KPNB1: variants seen among roughly 807,000 people sequenced by gnomAD.
The protein encoded by KPNB1 is karyopherin subunit beta 1, also known as importin subunit beta-1.
A neutral mutation model predicts 113.0 loss-of-function variants in KPNB1; 7 were observed. The ratio of observed to expected loss-of-function variants is 0.06; its 90% CI spans 0.04 to 0.12. The LOEUF (loss-of-function observed/expected upper bound fraction) is 0.12, where lower values mean the gene tolerates loss of function less well. KPNB1 is among the 10% of genes least tolerant of loss of function. The probability of loss-of-function intolerance (pLI) is 1.00; values close to 1 mark genes in which losing one functional copy is unlikely to be tolerated. For missense variants in KPNB1, 400 were observed against 1,054.8 expected (o/e 0.38, Z 8.60); for synonymous variants, 363 against 378.6 (o/e 0.96, Z 0.48).
At chr17:47,679,421 T>G (rs537253566) in intron 19 of KPNB1, among the ~76,000 whole-genome samples, 4 of 152,262 alleles carry the variant, frequency 2.6e-5, no homozygotes, top group African/African-American at 9.6e-5. Flanking sequence ...TGTTGCTGAT[T>G]GGGGAAATTT....
chr17:47,650,478 G>A (rs566484054), intron 2 of KPNB1, 34 bp downstream of exon 2: 1 of 1,583,792 alleles, frequency 6.3e-7, no homozygotes, highest in South Asian at 1.1e-5. Context: ...ATCCCGCCGC[G>A]TCCCCATCCC....
chr17:47,667,724 A>AT (rs1337050760), intron 9 of KPNB1, among the ~76,000 whole-genome samples: 1 of 150,434 alleles, frequency 6.6e-6, no homozygotes, highest in Non-Finnish European at 1.5e-5. Context: ...CACCCAGCTA[A>AT]TTTTTGTATT....
At chr17:47,681,686 G>GTTTGTTTTTT (rs1567896578) in intron 21 of KPNB1, among the ~76,000 whole-genome samples, 7 of 96,022 alleles carry the variant, frequency 7.3e-5, no homozygotes, top group Admixed American at 1.4e-4. Context: ...GGAATTATAG[G>GTTTGTTTTTT]TTTTTTTTTT....
intron 8 of KPNB1, 120 bp from the exon 9 acceptor site, chr17:47,664,937 T>C: frequency 1.3e-6 from 1 of 741,492 alleles, no homozygotes; most frequent in Non-Finnish European, 2.4e-6. Context: ...CATTGTATGT[T>C]ACCATTTGTC....
chr17:47,657,371 C>T (rs1045517974), intron 4 of KPNB1, among the ~76,000 whole-genome samples: 1 of 152,108 alleles, frequency 6.6e-6, no homozygotes, highest in Non-Finnish European at 1.5e-5. Context: ...CTTAAGATCC[C>T]GAATGTACCA....
rs2030415347 is a variant in KPNB1 at position 47,670,573 on chromosome 17, T to C, written c.1417-129T>C. ...TTTAAAAGATACCTGTAAAATGCTG[T>C]CTTGAGATGACCTTGGCAGAAAAAG... On this transcript the variant is annotated intron_variant, in intron 11 of 21. Coordinates refer to ENST00000290158, the MANE Select transcript of KPNB1 (RefSeq NM_002265.6). 2.6e-5 allele frequency: 22 copies of C among 834,618 alleles called. 1 individual carries two copies. In the South Asian group the frequency reaches 4.3e-4, roughly 16 times the overall value. The allele number at this position is 834,618 out of a possible 1,614,324, so 51.7% of individuals were successfully genotyped here.
chr17:47,668,526 A>T, intron 10 of KPNB1, 116 bp downstream of exon 10: 2 of 783,582 alleles, frequency 2.6e-6, no homozygotes, highest in Non-Finnish European at 2.1e-6. Flanking sequence ...TTATCTCTAG[A>T]TACTTGTTTA....
In KPNB1 at chr17:47,675,361, G is replaced by GTTTTTTTTTTTTTTTTTTTTTTTTTTTT. The variant is rs1166648701; in HGVS notation, c.1912+589_1912+590insTTTTTTTTTTTTTTTTTTTTTTTTTTTT. Among the ~76,000 whole-genome samples the GTTTTTTTTTTTTTTTTTTTTTTTTTTTT allele has an allele frequency of 8.7e-4, 77 of 88,678 alleles. 19 individuals are homozygous for GTTTTTTTTTTTTTTTTTTTTTTTTTTTT. Among genetic ancestry groups the GTTTTTTTTTTTTTTTTTTTTTTTTTTTT allele is most frequent in the East Asian group, 1.2e-3 (4 of 3,440 alleles). The allele number at this position is 88,678 out of a possible 152,430, so 58.2% of individuals were successfully genotyped here. A position where few individuals can be genotyped will look rare whatever the true frequency, so the allele number is the denominator to read the frequency against. ...TGCAACGGAGATTGGCAGAGGTGTT[G>GTTTTTTTTTTTTTTTTTTTTTTTTTTTT]TTTTTTTTTTGTTTTTTTTTTTTGT... On this transcript the variant is annotated intron_variant, in intron 15 of 21. Transcript: ENST00000290158.
At chr17:47,677,554 AGTT>A (rs1176224647) in intron 17 of KPNB1, among the ~76,000 whole-genome samples, 2 of 150,224 alleles carry the variant, frequency 1.3e-5, no homozygotes, top group Non-Finnish European at 3.0e-5. Context: ...TAAAGAGGGG[AGTT>A]GTTCATTTCA....
At chr17:47,658,983 C>T (rs1045177951) in intron 5 of KPNB1, among the ~76,000 whole-genome samples, 1 of 151,900 alleles carries the variant, frequency 6.6e-6, no homozygotes, top group African/African-American at 2.4e-5. Context: ...GAGGCTAAGG[C>T]GGGAGGATTG....
At chr17:47,651,979 C>A (rs1006233167) in intron 2 of KPNB1, among the ~76,000 whole-genome samples, 5 of 152,230 alleles carry the variant, frequency 3.3e-5, no homozygotes, top group African/African-American at 1.2e-4. Context: ...TTTGCTTGAA[C>A]AGCTTGCCTG....
intron 3 of KPNB1, among the ~76,000 whole-genome samples, chr17:47,654,267 T>C (rs1184312908): frequency 6.6e-6 from 1 of 152,028 alleles, no homozygotes; most frequent in African/African-American, 2.4e-5. Flanking sequence ...ATACAAAAAT[T>C]AGCTGGCTGT....
intron 3 of KPNB1, among the ~76,000 whole-genome samples, chr17:47,656,658 G>T (rs2029918135): frequency 6.6e-6 from 1 of 151,938 alleles, no homozygotes; most frequent in Non-Finnish European, 1.5e-5. Flanking sequence ...TGAGGCGGGA[G>T]GATAGATTGC....
intron 4 of KPNB1, 57 bp downstream of exon 4, chr17:47,657,117 C>T: frequency 7.2e-7 from 1 of 1,394,544 alleles, no homozygotes; most frequent in Non-Finnish European, 1.0e-6. Context: ...CTAGCTGTGA[C>T]ATCAATGATA....
chr17:47,656,731 T>C, intron 3 of KPNB1, 129 bp from the exon 4 acceptor site: 2 of 872,356 alleles, frequency 2.3e-6, no homozygotes, highest in East Asian at 2.6e-5. Context: ...CCGGGCAACA[T>C]AGTGAGACCC....
At chr17:47,675,891 A>G (rs1367104260) in intron 15 of KPNB1, among the ~76,000 whole-genome samples, 1 of 152,190 alleles carries the variant, frequency 6.6e-6, no homozygotes, top group Non-Finnish European at 1.5e-5. Context: ...GTCTGTCAAC[A>G]TGTGACCACT....
intron 2 of KPNB1, among the ~76,000 whole-genome samples, chr17:47,652,123 T>C (rs1003013399): frequency 6.6e-6 from 1 of 152,206 alleles, no homozygotes; most frequent in Non-Finnish European, 1.5e-5. Flanking sequence ...AAGTTTGTTT[T>C]AGGCTTATCT....
At position 47,682,683 on chromosome 17, in the gene KPNB1, A is replaced by C; in HGVS notation, c.*279A>C. ...AAAAACAATGGAGTTACTTATTTAA[A>C]AAAAAAGAAAGAAAGTTATCTCTTC... On this transcript the variant is annotated 3_prime_UTR_variant, in exon 22 of 22. Transcript: ENST00000290158. 1 of 495,112 alleles carries C rather than the reference A, an allele frequency of 2.0e-6. No individual in the cohort carries two copies. Among genetic ancestry groups the C allele is most frequent in the Non-Finnish European group, 3.6e-6 (1 of 279,574 alleles). 30.7% of individuals were successfully genotyped at this position (495,112 alleles called of 1,614,324 possible). A position where few individuals can be genotyped will look rare whatever the true frequency, so the allele number is the denominator to read the frequency against.
rs368067692 is a variant in KPNB1, at chr17:47,661,928, C to G, written c.696+750C>G. 2.0e-5 allele frequency among the ~76,000 whole-genome samples: 3 copies of G among 152,254 alleles called. No individual in the cohort carries two copies. The East Asian group carries it at 5.8e-4, about 29-fold the overall frequency. On this transcript the variant is annotated intron_variant, in intron 6 of 21. Transcript: ENST00000290158. ...AGTTAAGGGAGAAAAGGTTTTTGAT[C>G]AGCTTTGCTACTTTATTGCCATAGG...
Sources: gnomAD v4.1 joint callset for allele counts (sites outside exome capture counted in the v4.1 genomes callset) on GRCh38, gnomAD v4.1.1 for gene constraint, MANE v1.5 for transcripts, NCBI Gene and HGNC (gene_info 2026-07-23, HGNC 2026-07-21) for gene names.